ATP8A2: variants seen among roughly 807,000 people sequenced by gnomAD.
ATP8A2 encodes ATPase phospholipid transporting 8A2, also known as phospholipid-transporting ATPase IB.
In ATP8A2, 100 loss-of-function variants were observed where a neutral mutation model predicts 165.6. The ratio of observed to expected loss-of-function variants is 0.60; its 90% CI spans 0.51 to 0.71. The LOEUF is 0.71. ATP8A2 is among the 30% of genes least tolerant of loss of function. ATP8A2 has a pLI of 0.00. For synonymous variants in ATP8A2, 543 were observed against 548.8 expected, an observed-to-expected ratio of 0.99 and a Z score of 0.15; for missense variants, 1,227 against 1,479.5, an observed-to-expected ratio of 0.83 and a Z score of 2.80.
intron 25 of ATP8A2, among the ~76,000 whole-genome samples, chr13:25,714,918 A>G (rs2043224870): frequency 6.6e-6 from 1 of 152,218 alleles, no homozygotes; most frequent in South Asian, 2.1e-4. Flanking sequence ...TATGTATCCA[A>G]GTTAGCATGT....
chr13:25,703,351 T>A (rs1048403760), intron 25 of ATP8A2, among the ~76,000 whole-genome samples: 2 of 152,190 alleles, frequency 1.3e-5, no homozygotes, highest in Non-Finnish European at 2.9e-5. Context: ...GTGATGGGAT[T>A]ACAGGCATGA....
At chr13:25,712,007 TATCA>T (rs765929031) in intron 25 of ATP8A2, among the ~76,000 whole-genome samples, 1 of 152,192 alleles carries the variant, frequency 6.6e-6, no homozygotes, top group Non-Finnish European at 1.5e-5. Context: ...AGTTACAGGC[TATCA>T]ATCTATCTGA....
At chr13:25,928,990 C>T (rs1050577843) in intron 33 of ATP8A2, among the ~76,000 whole-genome samples, 1 of 152,112 alleles carries the variant, frequency 6.6e-6, no homozygotes, top group African/African-American at 2.4e-5. Context: ...TCTGTATCAT[C>T]TATCTTCTCT....
chr13:25,461,038 A>C (rs2035490380), intron 1 of ATP8A2, among the ~76,000 whole-genome samples: 2 of 152,190 alleles, frequency 1.3e-5, no homozygotes, highest in African/African-American at 4.8e-5. Context: ...ACACCCAACA[A>C]TATTTTAAAT....
chr13:25,739,388 T>C (rs1232043580), intron 25 of ATP8A2, among the ~76,000 whole-genome samples: 1 of 152,168 alleles, frequency 6.6e-6, no homozygotes, highest in East Asian at 1.9e-4. Context: ...ATAGAAACAG[T>C]GTGGAGCAGA....
chr13:25,759,337 T>A (rs1442533084), intron 25 of ATP8A2, among the ~76,000 whole-genome samples: 1 of 152,158 alleles, frequency 6.6e-6, no homozygotes, highest in Non-Finnish European at 1.5e-5. Flanking sequence ...TTGTCATTAA[T>A]TTTCAGCCGT....
intron 33 of ATP8A2, among the ~76,000 whole-genome samples, chr13:25,912,185 CACACACACACAG>C (rs1164887120): frequency 8.1e-5 from 12 of 148,370 alleles, no homozygotes; most frequent in South Asian, 4.2e-4. Context: ...CACACACACA[CACACACACACAG>C]TGGAATAGTC....
At chr13:25,619,712 G>A (rs1282178738) in intron 24 of ATP8A2, among the ~76,000 whole-genome samples, 3 of 152,220 alleles carry the variant, frequency 2.0e-5, no homozygotes, top group Non-Finnish European at 4.4e-5. Flanking sequence ...AATTAGGGAA[G>A]TAGTAGGTAA....
intron 24 of ATP8A2, among the ~76,000 whole-genome samples, chr13:25,650,876 T>C (rs1233037186): frequency 6.6e-6 from 1 of 152,204 alleles, no homozygotes; most frequent in Non-Finnish European, 1.5e-5. Flanking sequence ...TAAAATACAT[T>C]ATTTGATTTT....
chr13:25,462,120 T>C (rs548410032), intron 1 of ATP8A2, among the ~76,000 whole-genome samples: 1 of 152,356 alleles, frequency 6.6e-6, no homozygotes, highest in Admixed American at 6.5e-5. Context: ...ATATCTTCCA[T>C]TTGAGCTAAT....
intron 1 of ATP8A2, among the ~76,000 whole-genome samples, chr13:25,453,666 A>G (rs2035287868): frequency 1.3e-5 from 2 of 152,216 alleles, no homozygotes; most frequent in Non-Finnish European, 2.9e-5. Context: ...AACAAATGTA[A>G]ACTAAATATG....
intron 24 of ATP8A2, among the ~76,000 whole-genome samples, chr13:25,595,028 A>ATG (rs1187538563): frequency 8.1e-5 from 12 of 148,652 alleles, no homozygotes; most frequent in African/African-American, 3.0e-4. Flanking sequence ...GTATATGTAT[A>ATG]TGTATATATA....
chr13:25,865,868 T>G (rs1470083259), intron 33 of ATP8A2, among the ~76,000 whole-genome samples: 1 of 152,248 alleles, frequency 6.6e-6, no homozygotes, highest in Non-Finnish European at 1.5e-5. Flanking sequence ...AGGTTGTGTC[T>G]ATCCTGGGGA....
intron 33 of ATP8A2, among the ~76,000 whole-genome samples, chr13:25,913,276 A>G (rs1954173075): frequency 6.6e-6 from 1 of 152,190 alleles, no homozygotes; most frequent in Non-Finnish European, 1.5e-5. Context: ...CCTAAAATTT[A>G]AGGGAAAATA....
intron 24 of ATP8A2, among the ~76,000 whole-genome samples, chr13:25,594,583 C>T (rs2040184138): frequency 6.6e-6 from 1 of 152,108 alleles, no homozygotes; most frequent in African/African-American, 2.4e-5. Context: ...ACCCTTTCCC[C>T]CAAGTCCCCA....
At chr13:25,418,912 T>G (rs1237951740) in intron 1 of ATP8A2, among the ~76,000 whole-genome samples, 1 of 152,156 alleles carries the variant, frequency 6.6e-6, no homozygotes, top group Non-Finnish European at 1.5e-5. Context: ...AGATTTCTCA[T>G]CTGGGTCTTT....
At chr13:25,740,074 C>A (rs2043874476) in intron 25 of ATP8A2, among the ~76,000 whole-genome samples, 1 of 152,142 alleles carries the variant, frequency 6.6e-6, no homozygotes, top group African/African-American at 2.4e-5. Flanking sequence ...CTTTGGGAGG[C>A]CGAGACGGGC....
In ATP8A2 at chr13:25,561,842, C is replaced by A. The variant is rs2039165807; in HGVS notation, c.1397+2077C>A. On this transcript the variant is annotated intron_variant, in intron 15 of 36. Transcript: ENST00000381655. Reference sequence around the variant, plus strand: ...TTCTGTCTCTATGATTTTGCCTGTTCTAGGTACCTCATGCAAGTGAAATTG... The same window carrying A: ...TTCTGTCTCTATGATTTTGCCTGTTATAGGTACCTCATGCAAGTGAAATTG... 1.3e-5 allele frequency among the ~76,000 whole-genome samples: 2 copies of A among 152,176 alleles called. 1 individual carries two copies. The highest frequency in any genetic ancestry group is 4.1e-4 in the South Asian group (2 of 4,828).
In ATP8A2 at chr13:25,523,272, C is replaced by CTT. The variant is rs71077476; in HGVS notation, c.222-6711_222-6710dup. 2.9e-3 allele frequency among the ~76,000 whole-genome samples: 392 copies of CTT among 135,716 alleles called. 6 individuals are homozygous for CTT. The highest frequency in any genetic ancestry group is 7.8e-3 in the Middle Eastern group (2 of 258). The allele number at this position is 135,716 out of a possible 152,430, so 89.0% of individuals were successfully genotyped here. ...ATTTTTTTTCAAGGCTTTAGGATAA[C>CTT]TTTTTTTTTTTTTTTTTGAGTCAGA... On this transcript the variant is annotated intron_variant, in intron 2 of 36. Coordinates refer to ENST00000381655, the MANE Select transcript of ATP8A2 (RefSeq NM_016529.6).
Sources: gnomAD v4.1 joint callset for allele counts (sites outside exome capture counted in the v4.1 genomes callset) on GRCh38, gnomAD v4.1.1 for gene constraint, MANE v1.5 for transcripts, NCBI Gene and HGNC (gene_info 2026-07-23, HGNC 2026-07-21) for gene names.